The following ZC3H12B variants were observed in gnomAD, a reference collection of about 807,000 sequenced individuals.
The protein encoded by ZC3H12B is zinc finger CCCH-type containing 12B.
Under a neutral mutation model 43.9 loss-of-function variants are expected in ZC3H12B, and 7 were observed. That is an observed-to-expected ratio of 0.16 (90% CI 0.09 to 0.30). The LOEUF (loss-of-function observed/expected upper bound fraction) is 0.30. ZC3H12B is among the 10% of genes least tolerant of loss of function. The pLI, the probability that ZC3H12B is intolerant of heterozygous loss-of-function variation, is 1.00. For missense variants in ZC3H12B, 475 were observed against 670.2 expected (o/e 0.71, Z 3.22); for synonymous variants, 222 against 241.7 (o/e 0.92, Z 0.76).
intron 3 of ZC3H12B, among the ~76,000 whole-genome samples, chrX:65,442,327 T>C (rs2067312435): frequency 9.0e-6 from 1 of 110,941 alleles, no homozygotes; most frequent in African/African-American, 3.3e-5. Context: ...GAAATCATCT[T>C]TTTAAGAGAC....
chrX:65,339,219 C>G, the ZC3H12B span, among the ~76,000 whole-genome samples: 4 of 110,914 alleles, frequency 3.6e-5, no homozygotes, highest in Admixed American at 3.8e-4. Context: ...AACAGATCTC[C>G]AGAGGGAAGG....
At position 65,448,586 on chromosome X, in the gene ZC3H12B, G is replaced by A. The variant is rs1057316212; in HGVS notation, n.408-40060G>A. Among the ~76,000 whole-genome samples, 5 of 111,520 alleles carry A rather than the reference G, an allele frequency of 4.5e-5. No individual in the cohort carries two copies. The South Asian group carries it at 1.1e-3, about 25-fold the overall frequency. ...AATCTCAGCACTTTGTGAGGCCGACGTGGGTGGATCGCCTGAGGTCAGGAT... is the reference window on the plus strand; with the variant it reads ...AATCTCAGCACTTTGTGAGGCCGACATGGGTGGATCGCCTGAGGTCAGGAT... On this transcript the variant is annotated intron_variant and non_coding_transcript_variant, in intron 3 of 5. Coordinates refer to the ZC3H12B transcript ENST00000617377.
At chrX:65,370,374 A>G (rs886546916) in intron 2 of ZC3H12B, among the ~76,000 whole-genome samples, 1 of 111,322 alleles carries the variant, frequency 9.0e-6, no homozygotes, top group Non-Finnish European at 1.9e-5. Flanking sequence ...ACTCTCTCGG[A>G]GTCTCAGTTT....
chrX:65,468,748 C>T (rs2067863117), intron 3 of ZC3H12B, among the ~76,000 whole-genome samples: 1 of 106,698 alleles, frequency 9.4e-6, no homozygotes, highest in Non-Finnish European at 1.9e-5. Context: ...GGCCTCCACG[C>T]CTGGCCTAGG....
At chrX:65,255,049 G>T in the ZC3H12B span, among the ~76,000 whole-genome samples, 1 of 111,491 alleles carries the variant, frequency 9.0e-6, no homozygotes, top group Non-Finnish European at 1.9e-5. Flanking sequence ...ACACCTCTGA[G>T]AAATATGGAA....
the ZC3H12B span, among the ~76,000 whole-genome samples, chrX:65,148,400 G>T: frequency 8.9e-6 from 1 of 111,995 alleles, no homozygotes; most frequent in African/African-American, 3.2e-5. Flanking sequence ...TAGTACTGCT[G>T]GTGGTCCAGA....
intron 3 of ZC3H12B, among the ~76,000 whole-genome samples, chrX:65,465,489 C>T (rs780191959): frequency 1.4e-4 from 15 of 110,987 alleles, no homozygotes; most frequent in South Asian, 7.5e-4. Flanking sequence ...CCTATTTGTG[C>T]CTTTTAACCT....
intron 2 of ZC3H12B, among the ~76,000 whole-genome samples, chrX:65,382,024 C>A (rs1383578170): frequency 2.7e-5 from 3 of 111,894 alleles, no homozygotes; most frequent in Non-Finnish European, 5.6e-5. Context: ...ACCAGAGGTA[C>A]AAGGAGGAAC....
chrX:65,156,230 C>T, the ZC3H12B span, among the ~76,000 whole-genome samples: 1 of 110,789 alleles, frequency 9.0e-6, no homozygotes. Flanking sequence ...CTTGCTGTGT[C>T]ACCCAGGCTG....
chrX:65,343,097 C>T, the ZC3H12B span, among the ~76,000 whole-genome samples: 4 of 110,674 alleles, frequency 3.6e-5, no homozygotes, highest in Admixed American at 3.8e-4. Context: ...ACACATACAC[C>T]CTCCCAAAAC....
the ZC3H12B span, among the ~76,000 whole-genome samples, chrX:65,116,126 G>A: frequency 9.0e-6 from 1 of 111,168 alleles, no homozygotes; most frequent in Non-Finnish European, 1.9e-5. Flanking sequence ...CGTTGCCTAA[G>A]CCGATTTCCA....
At chrX:65,293,632 T>A in the ZC3H12B span, among the ~76,000 whole-genome samples, 1 of 108,470 alleles carries the variant, frequency 9.2e-6, no homozygotes, top group Non-Finnish European at 1.9e-5. Flanking sequence ...ACAGAAAAAT[T>A]TCCCGAGAAA....
At chrX:65,363,762 C>T (rs745946409), upstream of ZC3H12B, among the ~76,000 whole-genome samples, 12 of 110,894 alleles carry the variant, frequency 1.1e-4, no homozygotes, top group Non-Finnish European at 2.1e-4. Context: ...ATGCAGCGGC[C>T]GCTCCCGCCC....
chrX:65,126,180 G>T, the ZC3H12B span, among the ~76,000 whole-genome samples: 1 of 109,916 alleles, frequency 9.1e-6, no homozygotes, highest in African/African-American at 3.3e-5. Flanking sequence ...GTGCTGGCTT[G>T]GTAGTGGCAT....
intron 2 of ZC3H12B, among the ~76,000 whole-genome samples, chrX:65,373,008 T>C (rs1049696659): frequency 1.8e-5 from 2 of 111,785 alleles, no homozygotes; most frequent in South Asian, 3.7e-4. Flanking sequence ...TTGTGAAAAA[T>C]ATAGTTCCTA....
intron 3 of ZC3H12B, among the ~76,000 whole-genome samples, chrX:65,463,308 T>C (rs1467715230): frequency 8.9e-6 from 1 of 112,044 alleles, no homozygotes; most frequent in African/African-American, 3.2e-5. Flanking sequence ...TTATGGGAAT[T>C]GCATTGAATT....
chrX:65,163,921 C>A, the ZC3H12B span, among the ~76,000 whole-genome samples: 1 of 111,854 alleles, frequency 8.9e-6, no homozygotes. Flanking sequence ...TGGCTCCCCC[C>A]CTCTGCTGGC....
chrX:65,187,445 T>C, the ZC3H12B span, among the ~76,000 whole-genome samples: 1 of 111,551 alleles, frequency 9.0e-6, no homozygotes, highest in Non-Finnish European at 1.9e-5. Flanking sequence ...TCTAATGATG[T>C]ACAGAAAATG....
At chrX:65,490,606 T>G (rs1465712835) in intron 1 of ZC3H12B, among the ~76,000 whole-genome samples, 1 of 111,283 alleles carries the variant, frequency 9.0e-6, no homozygotes, top group Non-Finnish European at 1.9e-5. Context: ...ATAATACCTA[T>G]AGTGCCTTCA....
Sources: gnomAD v4.1 joint callset for allele counts (sites outside exome capture counted in the v4.1 genomes callset) on GRCh38, gnomAD v4.1.1 for gene constraint, MANE v1.5 for transcripts, NCBI Gene and HGNC (gene_info 2026-07-23, HGNC 2026-07-21) for gene names.